The following PAPOLG variants were observed in gnomAD, a reference collection of about 807,000 sequenced individuals.
PAPOLG encodes poly(A) polymerase gamma.
Under a neutral mutation model 99.0 loss-of-function variants are expected in PAPOLG, and 40 were observed. The observed-to-expected ratio is 0.40, with a 90% CI of 0.31 to 0.53. The LOEUF (loss-of-function observed/expected upper bound fraction) is 0.53. PAPOLG is among the 20% of genes least tolerant of loss of function. The pLI is 0.41. For missense variants in PAPOLG, 675 were observed against 884.1 expected (o/e 0.76, Z 3.00); for synonymous variants, 310 against 299.3 (o/e 1.04, Z -0.37).
At chr2:60,771,683 T>TA (rs1240763341) in intron 7 of PAPOLG, 53 bp downstream of exon 7, 2 of 1,557,398 alleles carry the variant, frequency 1.3e-6, no homozygotes, top group Admixed American at 2.2e-5. Context: ...ATTAGAGAAA[T>TA]ATAGATATTT....
intron 7 of PAPOLG, among the ~76,000 whole-genome samples, chr2:60,774,534 T>C (rs1424862128): frequency 1.3e-5 from 2 of 152,028 alleles, no homozygotes; most frequent in East Asian, 3.8e-4. Flanking sequence ...CCTGGCTAAT[T>C]TTTGTATGTT....
Position 60,791,761 on chromosome 2 carries a change from T to C in PAPOLG, c.1397T>C (p.Val466Ala). The C allele has an allele frequency of 6.2e-7, 1 of 1,605,746 alleles. No individual in the cohort carries two copies. The highest frequency in any genetic ancestry group is 1.1e-5 in the South Asian group (1 of 89,972). ...TYDIQSFTDT[V>A]YRQANNINML... ...ATTTAACATATTAACATTGTTACAG[T>C]GTACAGACAGGCAAACAATATAAAT... The change falls in exon 16 of 22, where the codon GTG (valine) becomes GCG (alanine). Residue 466 changes from valine to alanine, a missense_variant and splice_region_variant. By Grantham distance (64) the Val-to-Ala change is moderately conservative (BLOSUM62 0). Transcript: ENST00000238714.
At position 60,782,678 on chromosome 2, in the gene PAPOLG, T is replaced by TTTTA. The variant is rs67779326; in HGVS notation, c.1028-8_1028-7insTTTA. 3.5e-4 allele frequency: 488 copies of TTTTA among 1,384,954 alleles called. No homozygotes were observed. In the African/African-American group the frequency reaches 5.2e-3, roughly 15 times the overall value. The allele number at this position is 1,384,954 out of a possible 1,614,324, so 85.8% of individuals were successfully genotyped here. The stretch of plus-strand genomic sequence containing the variant: ...CTTTTTTTTTTTTTTTTTTTTTTTT[T>TTTTA]AATTTAGGTCTTGCAGTCACAGATG... On this transcript the variant is annotated splice_polypyrimidine_tract_variant and splice_region_variant and intron_variant, in intron 11 of 21. Coordinates refer to ENST00000238714, the MANE Select transcript of PAPOLG (RefSeq NM_022894.4).
intron 3 of PAPOLG, among the ~76,000 whole-genome samples, chr2:60,763,436 G>A (rs539086664): frequency 2.8e-4 from 42 of 152,198 alleles, no homozygotes; most frequent in African/African-American, 9.9e-4. Flanking sequence ...TTATCTGTGT[G>A]TGATTGGTTG....
Position 60,770,532 on chromosome 2 carries a change from T to A in PAPOLG, c.492+21T>A, listed in dbSNP as rs1447873136. 5.4e-6 allele frequency: 8 copies of A among 1,485,122 alleles called. No homozygotes were observed. In the African/African-American group the frequency reaches 9.7e-5, roughly 18 times the overall value. The allele number at this position is 1,485,122 out of a possible 1,614,324, so 92.0% of individuals were successfully genotyped here. ...TTGAAGTAAGTGTTTAATATTTTTC[T>A]GACTTTACAATTGAACTGTTTAAAC... On this transcript the variant is annotated intron_variant, in intron 6 of 21. Transcript: ENST00000238714.
In PAPOLG at chr2:60,794,635, T is replaced by G; in HGVS notation, c.1990-75T>G. On this transcript the variant is annotated intron_variant, in intron 19 of 21. Transcript: ENST00000238714. ...TTATAATAGTGTAACCAATAACTAG[T>G]TTTCCAGTTTATATAGATTTATATG... is the stretch of plus-strand genomic sequence containing the variant. 1.6e-6 allele frequency: 2 copies of G among 1,256,914 alleles called. 1 individual carries two copies. The highest frequency in any genetic ancestry group is 2.6e-5 in the South Asian group (2 of 75,978). The allele number at this position is 1,256,914 out of a possible 1,614,324, so 77.9% of individuals were successfully genotyped here.
At chr2:60,774,519 C>T (rs1261671446) in intron 7 of PAPOLG, among the ~76,000 whole-genome samples, 1 of 152,110 alleles carries the variant, frequency 6.6e-6, no homozygotes, top group African/African-American at 2.4e-5. Context: ...ATGCCCACCA[C>T]CACACCTGGC....
At chr2:60,773,718 C>T (rs1375691069) in intron 7 of PAPOLG, among the ~76,000 whole-genome samples, 3 of 148,874 alleles carry the variant, frequency 2.0e-5, no homozygotes, top group African/African-American at 5.0e-5. Flanking sequence ...AAAAAACCAG[C>T]AGTCATTAGT....
At chr2:60,756,614 T>G (rs1315254072) in intron 1 of PAPOLG, 119 bp downstream of exon 1, 1 of 1,136,554 alleles carries the variant, frequency 8.8e-7, no homozygotes, top group Non-Finnish European at 1.2e-6. Context: ...GCCGGGATGG[T>G]CTCCTTCCCG....
chr2:60,764,127 CTG>C (rs991930101), intron 3 of PAPOLG, among the ~76,000 whole-genome samples: 1 of 152,090 alleles, frequency 6.6e-6, no homozygotes, highest in African/African-American at 2.4e-5. Flanking sequence ...TTATTATTGT[CTG>C]AGAATCACCA....
intron 2 of PAPOLG, among the ~76,000 whole-genome samples, chr2:60,761,171 G>A (rs998726055): frequency 6.6e-6 from 1 of 152,166 alleles, no homozygotes; most frequent in Non-Finnish European, 1.5e-5. Context: ...TGAGGAAGAA[G>A]TAAGTTTGGA....
At position 60,797,045 on chromosome 2, in the gene PAPOLG, C is replaced by CTT. The variant is rs1558726147; in HGVS notation, c.2113-16_2113-15insTT. 2 of 1,608,100 alleles carry CTT rather than the reference C, an allele frequency of 1.2e-6. No individual in the cohort carries two copies. The highest frequency in any genetic ancestry group is 1.7e-6 in the Non-Finnish European group (2 of 1,177,456). On this transcript the variant is annotated splice_polypyrimidine_tract_variant and intron_variant, in intron 21 of 21. Coordinates refer to ENST00000238714, the MANE Select transcript of PAPOLG (RefSeq NM_022894.4). The stretch of plus-strand genomic sequence containing the variant: ...TGATGTGCTTTTCCTTTTTTGTTTC[C>CTT]TCTTTCTTTCTAATAGAGACTACCC...
intron 7 of PAPOLG, 132 bp from the exon 8 acceptor site, chr2:60,774,902 A>G (rs1320869722): frequency 6.9e-7 from 1 of 1,441,300 alleles, no homozygotes; most frequent in East Asian, 2.5e-5. Context: ...TAAATTTCAT[A>G]CACATAAAAT....
At chr2:60,764,417 AT>A (rs201520818) in intron 3 of PAPOLG, among the ~76,000 whole-genome samples, 776 of 140,060 alleles carry the variant, frequency 5.5e-3, no homozygotes, top group Middle Eastern at 7.4e-3. Flanking sequence ...ACAACTGCAG[AT>A]TTTTTTTTTT....
chr2:60,766,354 C>T (rs1439555428), intron 3 of PAPOLG, among the ~76,000 whole-genome samples: 1 of 152,102 alleles, frequency 6.6e-6, no homozygotes. Flanking sequence ...AAGTGAACTT[C>T]TAAAAGTGGA....
intron 11 of PAPOLG, among the ~76,000 whole-genome samples, 185 bp downstream of exon 11, chr2:60,782,190 A>G (rs1306640535): frequency 6.6e-6 from 1 of 152,180 alleles, no homozygotes; most frequent in Admixed American, 6.5e-5. Flanking sequence ...ATTAAGGCCA[A>G]AAATGGAGCC....
At chr2:60,795,364 A>C in intron 21 of PAPOLG, 1 of 456,474 alleles carries the variant, frequency 2.2e-6, no homozygotes, top group Non-Finnish European at 4.3e-6. Context: ...ACTATTGCTT[A>C]CTGCCAAAAC....
At position 60,756,392 on chromosome 2, in the gene PAPOLG, G is replaced by C. The variant is rs1670339737; in HGVS notation, c.-87G>C. On this transcript the variant is annotated 5_prime_UTR_variant, in exon 1 of 22. Transcript: ENST00000238714. ...CGAGCAAGCGAGCTACTAGCGACCGGAGGAAAGTGAACAGGGGGAGAAGGG... is the reference window on the plus strand; with the variant it reads ...CGAGCAAGCGAGCTACTAGCGACCGCAGGAAAGTGAACAGGGGGAGAAGGG... 1 of 1,577,954 alleles carries C rather than the reference G, an allele frequency of 6.3e-7. No homozygotes were observed. Among genetic ancestry groups the C allele is most frequent in the Non-Finnish European group, 8.7e-7 (1 of 1,147,564 alleles).
intron 7 of PAPOLG, among the ~76,000 whole-genome samples, chr2:60,773,987 T>A (rs956688254): frequency 2.0e-5 from 3 of 152,260 alleles, no homozygotes; most frequent in Non-Finnish European, 4.4e-5. Flanking sequence ...AGCTTACAAC[T>A]TACACAGTTT....
Sources: allele counts gnomAD v4.1 joint callset (sites outside exome capture counted in the v4.1 genomes callset), GRCh38; gene constraint gnomAD v4.1.1; transcripts MANE v1.5; gene names NCBI Gene and HGNC (gene_info 2026-07-23, HGNC 2026-07-21).